Variants in BTBD9 observed in about 807,000 individuals in gnomAD.
The protein encoded by BTBD9 is BTB domain containing 9.
BTBD9 carries 49 observed loss-of-function variants against 64.3 expected under a neutral mutation model. That is an observed-to-expected ratio of 0.76 (90% CI 0.61 to 0.97). The LOEUF (loss-of-function observed/expected upper bound fraction) is 0.97, where lower values mean the gene tolerates loss of function less well. Among genes scored for constraint, BTBD9 ranks in the 50% least tolerant of loss-of-function variants. The pLI is 0.00. For missense variants in BTBD9, 598 were observed against 762.1 expected (o/e 0.78, Z 2.53); for synonymous variants, 260 against 274.7 (o/e 0.95, Z 0.53).
intron 6 of BTBD9, among the ~76,000 whole-genome samples, chr6:38,564,934 A>G (rs933275825): frequency 2.0e-5 from 3 of 152,134 alleles, no homozygotes; most frequent in African/African-American, 7.2e-5. Flanking sequence ...CTCACTATAT[A>G]AAAACAAAGC....
chr6:38,227,304 T>C (rs1387876746), intron 9 of BTBD9, among the ~76,000 whole-genome samples: 1 of 152,236 alleles, frequency 6.6e-6, no homozygotes, highest in Non-Finnish European at 1.5e-5. Flanking sequence ...TGCTGCCACT[T>C]GGTTTTGTTT....
rs150505887 is a variant in BTBD9, at chr6:38,332,225, G to A, written c.1264+12759C>T. Among the ~76,000 whole-genome samples, 24 of 152,214 alleles carry A rather than the reference G, an allele frequency of 1.6e-4. No homozygotes were observed. In the East Asian group the frequency reaches 4.2e-3, roughly 27 times the overall value. Reference sequence around the variant, plus strand: ...TGGTTTCTGCCTTTGCTTTTGTGCTGAGGAAGTTGTTCCTCACCTTGAGAT... The same window carrying A: ...TGGTTTCTGCCTTTGCTTTTGTGCTAAGGAAGTTGTTCCTCACCTTGAGAT... On this transcript the variant is annotated intron_variant, in intron 7 of 10. Coordinates refer to ENST00000481247, the MANE Select transcript of BTBD9 (RefSeq NM_001099272.2).
chr6:38,570,022 G>A (rs1002474356), intron 6 of BTBD9, among the ~76,000 whole-genome samples: 11 of 152,084 alleles, frequency 7.2e-5, no homozygotes, highest in African/African-American at 2.7e-4. Flanking sequence ...TGATCTTATG[G>A]AGAACTAAGG....
chr6:38,503,228 C>T lies in BTBD9; in HGVS notation c.1154+74372G>A, dbSNP rs545573072. 2.3e-4 allele frequency among the ~76,000 whole-genome samples: 35 copies of T among 152,254 alleles called. No homozygotes were observed. In the South Asian group the frequency reaches 6.4e-3, roughly 28 times the overall value. ...ACCCAATCCCCCATCGCCCTACTCT[C>T]AGCAGCTGTTCCCGCTGCCTTCTGC... On this transcript the variant is annotated intron_variant, in intron 6 of 10. Transcript: ENST00000481247.
At chr6:38,444,091 A>G (rs966081483) in intron 6 of BTBD9, among the ~76,000 whole-genome samples, 4 of 152,174 alleles carry the variant, frequency 2.6e-5, no homozygotes, top group Non-Finnish European at 4.4e-5. Flanking sequence ...TTCTTTGTCC[A>G]TACCTTTTTG....
intron 6 of BTBD9, among the ~76,000 whole-genome samples, chr6:38,534,682 T>C (rs1773943741): frequency 6.6e-6 from 1 of 151,968 alleles, no homozygotes; most frequent in South Asian, 2.1e-4. Flanking sequence ...TCATCATGAC[T>C]GGAATTAATC....
intron 6 of BTBD9, among the ~76,000 whole-genome samples, chr6:38,358,917 G>A (rs1022846713): frequency 6.6e-6 from 1 of 151,678 alleles, no homozygotes; most frequent in Non-Finnish European, 1.5e-5. Context: ...GACTACAGGC[G>A]CCCGCCACCG....
chr6:38,445,281 T>C (rs1769221832), intron 6 of BTBD9, among the ~76,000 whole-genome samples: 2 of 152,258 alleles, frequency 1.3e-5, no homozygotes, highest in Non-Finnish European at 2.9e-5. Flanking sequence ...ATCTGCAGGC[T>C]ATTACTTTCT....
At chr6:38,547,126 C>T (rs537969073) in intron 6 of BTBD9, among the ~76,000 whole-genome samples, 1 of 152,294 alleles carries the variant, frequency 6.6e-6, no homozygotes, top group East Asian at 1.9e-4. Flanking sequence ...CCCTCTCTCT[C>T]CTTGGGCCTC....
chr6:38,593,538 A>G (rs1345764365), intron 3 of BTBD9, among the ~76,000 whole-genome samples: 3 of 152,250 alleles, frequency 2.0e-5, no homozygotes, highest in Non-Finnish European at 4.4e-5. Flanking sequence ...AAGCCAGCAA[A>G]AAAAGCAGGG....
At chr6:38,495,113 C>G (rs754080675) in intron 6 of BTBD9, among the ~76,000 whole-genome samples, 1 of 152,216 alleles carries the variant, frequency 6.6e-6, no homozygotes, top group Admixed American at 6.5e-5. Flanking sequence ...CCGAAACCGA[C>G]AAAGCAACTC....
At position 38,169,331 on chromosome 6, in the gene BTBD9, A is replaced by C. The variant is rs889297564; in HGVS notation, c.*5654T>G. 1.3e-5 allele frequency: 2 copies of C among 152,422 alleles called. No individual in the cohort carries two copies. The highest frequency in any genetic ancestry group is 4.8e-5 in the African/African-American group (2 of 41,458). The allele number at this position is 152,422 out of a possible 1,614,324, so 9.4% of individuals were successfully genotyped here. ...CAGCAGCCATCAGGGGCTGTGGTGC[A>C]GGAGCAGCCACCAGGGCAGCACCAG... On this transcript the variant is annotated 3_prime_UTR_variant, in exon 11 of 11. Coordinates refer to ENST00000481247, the MANE Select transcript of BTBD9 (RefSeq NM_001099272.2).
intron 9 of BTBD9, among the ~76,000 whole-genome samples, chr6:38,202,075 CGTTTTTTTT>C (rs1385368335): frequency 6.9e-6 from 1 of 144,928 alleles, no homozygotes; most frequent in African/African-American, 2.6e-5. Context: ...CCAAAAATGT[CGTTTTTTTT>C]GTTTTTTTTT....
intron 6 of BTBD9, among the ~76,000 whole-genome samples, chr6:38,347,867 C>T (rs768856021): frequency 3.9e-5 from 6 of 152,116 alleles, no homozygotes; most frequent in Admixed American, 1.3e-4. Flanking sequence ...CTTGGTGGCA[C>T]GTGCCTGTAA....
intron 9 of BTBD9, among the ~76,000 whole-genome samples, chr6:38,232,098 C>A (rs1336734977): frequency 2.0e-5 from 3 of 152,084 alleles, no homozygotes; most frequent in Admixed American, 6.5e-5. Context: ...AGCATGTGGC[C>A]CTTTTGCCAG....
intron 6 of BTBD9, among the ~76,000 whole-genome samples, chr6:38,447,723 T>C (rs1307705360): frequency 1.3e-5 from 2 of 152,214 alleles, no homozygotes; most frequent in Non-Finnish European, 2.9e-5. Context: ...GAAAAAACCC[T>C]GTATCTCTTC....
At chr6:38,507,235 G>A (rs1371833171) in intron 6 of BTBD9, among the ~76,000 whole-genome samples, 1 of 152,060 alleles carries the variant, frequency 6.6e-6, no homozygotes, top group Non-Finnish European at 1.5e-5. Flanking sequence ...CTTTTATTGG[G>A]TAGCTACTTC....
chr6:38,245,070 G>A (rs932551380), intron 9 of BTBD9, among the ~76,000 whole-genome samples: 16 of 152,160 alleles, frequency 1.1e-4, no homozygotes, highest in South Asian at 2.1e-4. Flanking sequence ...GCAATGGCAC[G>A]CATGCTTCTA....
At chr6:38,426,013 GTGTGTC>G (rs1768132303) in intron 6 of BTBD9, among the ~76,000 whole-genome samples, 1 of 151,668 alleles carries the variant, frequency 6.6e-6, no homozygotes, top group Non-Finnish European at 1.5e-5. Flanking sequence ...CAGAAGCTAC[GTGTGTC>G]ATAATTCTTG....
Sources: allele counts gnomAD v4.1 joint callset (sites outside exome capture counted in the v4.1 genomes callset), GRCh38; gene constraint gnomAD v4.1.1; transcripts MANE v1.5; gene names NCBI Gene and HGNC (gene_info 2026-07-23, HGNC 2026-07-21).